The following SH3BP4 variants were observed in gnomAD, a reference collection of about 807,000 sequenced individuals.
SH3BP4 encodes the protein SH3 domain-binding protein 4.
SH3BP4 carries 33 observed loss-of-function variants against 65.5 expected under a neutral mutation model. The ratio of observed to expected loss-of-function variants is 0.50; its 90% CI spans 0.38 to 0.67. The LOEUF (loss-of-function observed/expected upper bound fraction) is 0.67, where lower values mean the gene tolerates loss of function less well. SH3BP4 is among the 30% of genes least tolerant of loss of function. SH3BP4 has a pLI of 0.00. For missense variants in SH3BP4, 1,134 were observed against 1,261.4 expected, an observed-to-expected ratio of 0.90 and a Z score of 1.53; for synonymous variants, 552 against 545.5, an observed-to-expected ratio of 1.01 and a Z score of -0.17.
chr2:235,027,902 G>A (rs1386271518), intron 2 of SH3BP4, among the ~76,000 whole-genome samples: 1 of 152,244 alleles, frequency 6.6e-6, no homozygotes, highest in Non-Finnish European at 1.5e-5. Flanking sequence ...CCTTGGGGTA[G>A]ATCATTGGCA....
rs7587207 is a variant in SH3BP4 at position 234,974,222 on chromosome 2, G to A, written c.-206-21081G>A. 0.037 allele frequency among the ~76,000 whole-genome samples: 5,634 copies of A among 152,026 alleles called. 335 individuals carry two copies. Among genetic ancestry groups the A allele is most frequent in the African/African-American group, 0.12 (5,162 of 41,438 alleles). On this transcript the variant is annotated intron_variant, in intron 1 of 5. Transcript: ENST00000392011. This position sits in a 1 kb window ranked among gnomAD's most constrained non-coding sequence, Gnocchi z 4.6. ...CTCTAATAAAAATACAAAATTAGCC[G>A]GGCATGGTGGCGCACACCTGTAATC...
At chr2:235,002,507 C>T (rs141423809) in intron 2 of SH3BP4, among the ~76,000 whole-genome samples, 60 of 152,308 alleles carry the variant, frequency 3.9e-4, no homozygotes, top group African/African-American at 1.4e-3. Flanking sequence ...GGGCGGATCA[C>T]TTGAGTCCAG....
intron 3 of SH3BP4, among the ~76,000 whole-genome samples, chr2:235,036,740 A>AAAAAAAAAAAAAATAAT (rs146049108): frequency 9.2e-5 from 13 of 141,736 alleles, no homozygotes; most frequent in African/African-American, 3.5e-4. Flanking sequence ...TCTATATAAA[A>AAAAAAAAAAAAAATAAT]AATAATAATA....
At chr2:234,959,374 C>CAG (rs35989295) in intron 1 of SH3BP4, among the ~76,000 whole-genome samples, 84,721 of 150,652 alleles carry the variant, frequency 0.56, 24,488 homozygotes, top group Middle Eastern at 0.75. Context: ...AAAGAGCTGG[C>CAG]AGAGAGAGAG....
rs1695276827 is a variant in SH3BP4 at position 235,033,732 on chromosome 2, A to C, written c.-132-1139A>C. On this transcript the variant is annotated intron_variant, in intron 2 of 5. Coordinates refer to ENST00000392011, the MANE Select transcript of SH3BP4 (RefSeq NM_014521.3). The surrounding 1 kb of genome is among the most constrained non-coding windows in gnomAD (Gnocchi z 5.7). ...CACAGGGGCTCTCCAAGCCATGCTC[A>C]CTGCACATGGAGCCTGGGGGAAGAG... Among the ~76,000 whole-genome samples the C allele has an allele frequency of 6.6e-6, 1 of 151,928 alleles. No homozygotes were observed. Among genetic ancestry groups the C allele is most frequent in the African/African-American group, 2.4e-5 (1 of 41,204 alleles).
intron 2 of SH3BP4, among the ~76,000 whole-genome samples, chr2:235,022,301 C>G (rs1694867036): frequency 6.6e-6 from 1 of 152,114 alleles, no homozygotes. Context: ...CACTTGTGAT[C>G]CCAGCAGTTT....
At chr2:235,004,205 C>T (rs972189193) in intron 2 of SH3BP4, among the ~76,000 whole-genome samples, 1 of 152,206 alleles carries the variant, frequency 6.6e-6, no homozygotes, top group Non-Finnish European at 1.5e-5. Flanking sequence ...ATAAATGTAT[C>T]TTTCCAGACT....
Position 234,958,872 on chromosome 2 carries a change from A to G in SH3BP4, c.-207+6702A>G, listed in dbSNP as rs538394427. 2.0e-5 allele frequency among the ~76,000 whole-genome samples: 3 copies of G among 152,198 alleles called. No homozygotes were observed. In the South Asian group the frequency reaches 6.2e-4, roughly 32 times the overall value. On this transcript the variant is annotated intron_variant, in intron 1 of 5. Transcript: ENST00000392011. ...CAGAAGAATGTTGGTGATAAAAGAA[A>G]TTGGACCGTATTTGATGGTGTGGAG...
chr2:235,052,727 A>G lies in SH3BP4; in HGVS notation c.2644A>G (p.Arg882Gly). Residue 882 changes from arginine (R) to glycine (G), a missense_variant, in exon 5 of 6, where the codon AGG (arginine) becomes GGG (glycine). By Grantham distance (125) the Arg-to-Gly change is moderately radical (BLOSUM62 -2). Transcript: ENST00000392011. This position sits in a 1 kb window ranked among gnomAD's most constrained non-coding sequence, Gnocchi z 5.0. ...MDAYESPHRDRNGVVDSEAMW... is the reference protein window; with the variant it reads ...MDAYESPHRDGNGVVDSEAMW... ...CGCCTACGAGTCTCCCCACCGGGAC[A>G]GGAACGGGGTTGTGGACAGCGAGGT... 6.2e-7 allele frequency: 1 copy of G among 1,602,710 alleles called. No individual in the cohort carries two copies. Among genetic ancestry groups the G allele is most frequent in the East Asian group, 2.3e-5 (1 of 44,286 alleles).
In SH3BP4 at chr2:234,988,369, G is replaced by A. The variant is rs180767242; in HGVS notation, c.-206-6934G>A. On this transcript the variant is annotated intron_variant, in intron 1 of 5. Coordinates refer to ENST00000392011, the MANE Select transcript of SH3BP4 (RefSeq NM_014521.3). The stretch of plus-strand genomic sequence containing the variant: ...CCACCACACCCGGCCCGCCAGCCAC[G>A]TTTTTAAGTGATTCACCTTTAGCGA... Among the ~76,000 whole-genome samples, 529 of 152,258 alleles carry A rather than the reference G, an allele frequency of 3.5e-3. 4 individuals are homozygous for A. Among genetic ancestry groups the A allele is most frequent in the African/African-American group, 0.012 (507 of 41,560 alleles).
intron 1 of SH3BP4, among the ~76,000 whole-genome samples, chr2:234,984,892 C>A (rs961118857): frequency 1.3e-5 from 2 of 152,114 alleles, no homozygotes; most frequent in Non-Finnish European, 2.9e-5. Flanking sequence ...AAAAGCTAAT[C>A]GGGGGTCAGC....
intron 3 of SH3BP4, among the ~76,000 whole-genome samples, chr2:235,040,068 C>G (rs1695584620): frequency 6.6e-6 from 1 of 152,038 alleles, no homozygotes; most frequent in Non-Finnish European, 1.5e-5. Context: ...AACCCCATTT[C>G]TACTAAAAAT....
In SH3BP4 at chr2:235,044,346, T is replaced by G. The variant is rs551782714; in HGVS notation, c.2478+1099T>G. Among the ~76,000 whole-genome samples the G allele has an allele frequency of 1.1e-4, 16 of 152,372 alleles. No individual in the cohort carries two copies. The East Asian group carries it at 1.7e-3, about 17-fold the overall frequency. ...CATTTGCTCAACGCTTTCTTAGCAC[T>G]GCTCCCCGCAGGCAGCCCCACCGTC... is the stretch of plus-strand genomic sequence containing the variant. On this transcript the variant is annotated intron_variant, in intron 4 of 5. Transcript: ENST00000392011.
In SH3BP4 at chr2:234,977,818, T is replaced by C. The variant is rs1188627140; in HGVS notation, c.-206-17485T>C. Among the ~76,000 whole-genome samples the C allele has an allele frequency of 2.0e-5, 3 of 152,074 alleles. No homozygotes were observed. The highest frequency in any genetic ancestry group is 4.4e-5 in the Non-Finnish European group (3 of 68,002). On this transcript the variant is annotated intron_variant, in intron 1 of 5. Coordinates refer to ENST00000392011, the MANE Select transcript of SH3BP4 (RefSeq NM_014521.3). The surrounding 1 kb of genome is among the most constrained non-coding windows in gnomAD (Gnocchi z 5.1). The stretch of plus-strand genomic sequence containing the variant: ...GCACACACATGGGCACACACACACA[T>C]GCGTGCACACACACGCAGACCCTGA...
chr2:235,004,738 A>G (rs571639163), intron 2 of SH3BP4, among the ~76,000 whole-genome samples: 2 of 152,242 alleles, frequency 1.3e-5, no homozygotes, highest in African/African-American at 2.4e-5. Context: ...ATAATATTCC[A>G]TTGTATGGCT....
chr2:235,034,495 T>C lies in SH3BP4; in HGVS notation c.-132-376T>C, dbSNP rs1170121264. On this transcript the variant is annotated intron_variant, in intron 2 of 5. Coordinates refer to ENST00000392011, the MANE Select transcript of SH3BP4 (RefSeq NM_014521.3). The surrounding 1 kb of genome is among the most constrained non-coding windows in gnomAD (Gnocchi z 6.2). ...ACAAGCAGAGGCCGATTTTTCCTTT[T>C]CCGAGCCCTGCAGCTAGCAGCATGA... Among the ~76,000 whole-genome samples, 1 of 152,162 alleles carries C rather than the reference T, an allele frequency of 6.6e-6. No individual in the cohort carries two copies. Among genetic ancestry groups the C allele is most frequent in the Non-Finnish European group, 1.5e-5 (1 of 68,036 alleles).
intron 2 of SH3BP4, among the ~76,000 whole-genome samples, chr2:235,003,891 T>G (rs888702533): frequency 6.6e-6 from 1 of 152,212 alleles, no homozygotes; most frequent in Non-Finnish European, 1.5e-5. Context: ...CTTAGCTGGT[T>G]TGAGTTGGGT....
chr2:234,971,223 A>G (rs541432159), intron 1 of SH3BP4, among the ~76,000 whole-genome samples: 1 of 152,302 alleles, frequency 6.6e-6, no homozygotes, highest in South Asian at 2.1e-4. Context: ...TGATTACTAC[A>G]GGTACCTCAC....
chr2:234,981,529 G>C (rs12479196), intron 1 of SH3BP4: 1 of 152,176 alleles, frequency 6.6e-6, no homozygotes, highest in Non-Finnish European at 1.5e-5. Flanking sequence ...AGGAATGCAC[G>C]GGTCTGGGGA....
Sources: gnomAD v4.1 joint callset for allele counts (sites outside exome capture counted in the v4.1 genomes callset) on GRCh38, gnomAD v4.1.1 for gene constraint, Gnocchi (gnomAD v3.1) non-coding constraint, MANE v1.5 for transcripts, NCBI Gene and HGNC (gene_info 2026-07-23, HGNC 2026-07-21) for gene names.